RPS6KA5: variants seen among roughly 807,000 people sequenced by gnomAD.
The protein encoded by RPS6KA5 is ribosomal protein S6 kinase alpha-5.
In RPS6KA5, 27 loss-of-function variants were observed where a neutral mutation model predicts 85.5. The ratio of observed to expected loss-of-function variants is 0.32; its 90% CI spans 0.23 to 0.44. The LOEUF is 0.44. Among genes scored for constraint, RPS6KA5 ranks in the 20% least tolerant of loss-of-function variants. The pLI, the probability that RPS6KA5 is intolerant of heterozygous loss-of-function variation, is 1.00. For synonymous variants in RPS6KA5, 334 were observed against 348.2 expected (o/e 0.96, Z 0.46); for missense variants, 811 against 980.9 (o/e 0.83, Z 2.31).
At chr14:91,031,914 G>A (rs6575171) in intron 1 of RPS6KA5, among the ~76,000 whole-genome samples, 107,383 of 151,780 alleles carry the variant, frequency 0.71, 38,106 homozygotes, top group East Asian at 0.87. Context: ...TATTAGAAAA[G>A]AGTAGAAACT....
At position 90,862,898 on chromosome 14, in the gene RPS6KA5, G is replaced by C. The variant is rs1222074039; in HGVS notation, c.*9176C>G. The C allele has an allele frequency of 1.1e-5, 1 of 92,850 alleles. No homozygotes were observed. Among genetic ancestry groups the C allele is most frequent in the Non-Finnish European group, 2.2e-5 (1 of 45,242 alleles). 5.8% of individuals were successfully genotyped at this position (92,850 alleles called of 1,614,324 possible). ...CAGCATTTGAAAATTGAAGAATAAA[G>C]AAGAAAAATACAAGATTATCTCAAC... On this transcript the variant is annotated 3_prime_UTR_variant, in exon 17 of 17. Transcript: ENST00000614987.
chr14:90,991,200 A>G (rs149678949), intron 2 of RPS6KA5, among the ~76,000 whole-genome samples: 17 of 152,372 alleles, frequency 1.1e-4, no homozygotes, highest in African/African-American at 3.8e-4. Context: ...TATTTTAGCA[A>G]GACTGTATAT....
At chr14:91,041,350 A>G (rs2042600184) in intron 1 of RPS6KA5, among the ~76,000 whole-genome samples, 1 of 152,252 alleles carries the variant, frequency 6.6e-6, no homozygotes, top group Non-Finnish European at 1.5e-5. Flanking sequence ...AGCTTCTTAG[A>G]CTAATTTAGC....
chr14:90,935,431 G>A (rs1267501686), intron 5 of RPS6KA5, among the ~76,000 whole-genome samples: 2 of 152,166 alleles, frequency 1.3e-5, no homozygotes, highest in African/African-American at 4.8e-5. Flanking sequence ...ACTTTCACAA[G>A]CATTAATTCA....
chr14:90,973,763 G>T (rs925040757), intron 3 of RPS6KA5, among the ~76,000 whole-genome samples: 1 of 152,040 alleles, frequency 6.6e-6, no homozygotes, highest in African/African-American at 2.4e-5. Flanking sequence ...CAGGGCGGGC[G>T]TGGTGGTTCA....
rs751585615 is a variant in RPS6KA5, at chr14:90,872,145, G to A, written c.2338C>T (p.Leu780=). The change falls in exon 17 of 17, where the codon CTG becomes TTG. Residue 780 remains leucine, a synonymous_variant. Transcript: ENST00000614987. ...CTGTCGGCAGGATTGCTGGGCTGCA[G>A]TGTCTTGGTGGGTGTAGTTTTACCG... ...SHGKTTPTKT[L]QPSNPADSNN... 3.7e-6 allele frequency: 6 copies of A among 1,613,928 alleles called. No individual in the cohort carries two copies. The African/African-American group carries it at 5.3e-5, about 14-fold the overall frequency.
At chr14:90,937,600 CA>C (rs1215581070) in intron 5 of RPS6KA5, among the ~76,000 whole-genome samples, 2 of 152,010 alleles carry the variant, frequency 1.3e-5, no homozygotes, top group East Asian at 3.9e-4. Flanking sequence ...GGGAAATTCA[CA>C]AAAGAAAGAG....
chr14:90,953,118 G>GACC, intron 3 of RPS6KA5, among the ~76,000 whole-genome samples: 1 of 152,262 alleles, frequency 6.6e-6, no homozygotes, highest in East Asian at 1.9e-4. Flanking sequence ...AGAAATCAGG[G>GACC]ACCCCGAATG....
intron 5 of RPS6KA5, among the ~76,000 whole-genome samples, chr14:90,935,536 T>C (rs527861162): frequency 6.6e-6 from 1 of 152,310 alleles, no homozygotes; most frequent in African/African-American, 2.4e-5. Context: ...ACGAAGTGAC[T>C]TGCCTCATGT....
chr14:90,893,125 A>G (rs2034650007), intron 13 of RPS6KA5, among the ~76,000 whole-genome samples: 1 of 152,218 alleles, frequency 6.6e-6, no homozygotes, highest in Admixed American at 6.5e-5. Flanking sequence ...CAGTCATGGA[A>G]CAGATCTTTT....
Position 91,060,620 on chromosome 14 carries a change from C to A in RPS6KA5, c.-186G>T. ...GCTCGCTCCTCGCCTCCTCCCCCTT[C>A]GGCGGGCACCGCTAGTACCGCGCAA... On this transcript the variant is annotated 5_prime_UTR_variant, in exon 1 of 17. Coordinates refer to ENST00000614987, the MANE Select transcript of RPS6KA5 (RefSeq NM_004755.4). 1 of 778,052 alleles carries A rather than the reference C, an allele frequency of 1.3e-6. No individual in the cohort carries two copies. Among genetic ancestry groups the A allele is most frequent in the Non-Finnish European group, 1.7e-6 (1 of 574,432 alleles). The allele number at this position is 778,052 out of a possible 1,614,324, so 48.2% of individuals were successfully genotyped here.
chr14:90,990,273 A>G (rs1267396399), intron 2 of RPS6KA5, among the ~76,000 whole-genome samples: 2 of 152,242 alleles, frequency 1.3e-5, no homozygotes, highest in African/African-American at 4.8e-5. Flanking sequence ...AAGCATATGA[A>G]AAAATGTTCA....
chr14:90,862,389 C>T lies in RPS6KA5; in HGVS notation c.*9685G>A, dbSNP rs1359338691. On this transcript the variant is annotated 3_prime_UTR_variant, in exon 17 of 17. Transcript: ENST00000614987. ...GAATAATCTTGATACCAAAACTTGA[C>T]AAAAATATTAAAGACAGAAAAATTA... The T allele has an allele frequency of 6.6e-6, 1 of 152,036 alleles. No homozygotes were observed. Among genetic ancestry groups the T allele is most frequent in the African/African-American group, 2.4e-5 (1 of 41,332 alleles). 9.4% of individuals were successfully genotyped at this position (152,036 alleles called of 1,614,324 possible). A position where few individuals can be genotyped will look rare whatever the true frequency, so the allele number is the denominator to read the frequency against.
At chr14:90,958,920 T>A (rs575518662) in intron 3 of RPS6KA5, among the ~76,000 whole-genome samples, 1 of 152,070 alleles carries the variant, frequency 6.6e-6, no homozygotes, top group African/African-American at 2.4e-5. Flanking sequence ...ATGGTTAGTA[T>A]AGGCCTCAGC....
At chr14:90,924,087 ATATT>A (rs1024161470) in intron 5 of RPS6KA5, among the ~76,000 whole-genome samples, 4 of 152,114 alleles carry the variant, frequency 2.6e-5, no homozygotes, top group Non-Finnish European at 5.9e-5. Flanking sequence ...ACATTAATAA[ATATT>A]TATTTATTTG....
chr14:90,906,089 C>A, intron 8 of RPS6KA5, 60 bp downstream of exon 8: 2 of 1,458,144 alleles, frequency 1.4e-6, no homozygotes, highest in South Asian at 3.0e-5. Context: ...TCACCAAGAA[C>A]GCCAAGGACC....
At chr14:91,029,407 A>C (rs1466643720) in intron 1 of RPS6KA5, among the ~76,000 whole-genome samples, 1 of 152,244 alleles carries the variant, frequency 6.6e-6, no homozygotes, top group Non-Finnish European at 1.5e-5. Context: ...CAAAGGACAT[A>C]TCTACAAAGA....
chr14:90,934,092 C>A (rs2037135712), intron 5 of RPS6KA5, among the ~76,000 whole-genome samples: 1 of 152,104 alleles, frequency 6.6e-6, no homozygotes, highest in Non-Finnish European at 1.5e-5. Context: ...TGCTATCTAA[C>A]ATACTACAGA....
chr14:90,907,813 G>C (rs972080382), intron 7 of RPS6KA5, among the ~76,000 whole-genome samples: 16 of 152,128 alleles, frequency 1.1e-4, no homozygotes, highest in Non-Finnish European at 1.9e-4. Context: ...CCTCTTCTCA[G>C]ATCAGACACA....
Sources: allele counts gnomAD v4.1 joint callset (sites outside exome capture counted in the v4.1 genomes callset), GRCh38; gene constraint gnomAD v4.1.1; transcripts MANE v1.5; gene names NCBI Gene and HGNC (gene_info 2026-07-23, HGNC 2026-07-21).